Variants in BTBD9 observed in about 807,000 individuals in gnomAD.
BTBD9 encodes the protein BTB/POZ domain-containing protein 9.
A neutral mutation model predicts 64.3 loss-of-function variants in BTBD9; 49 were observed. That is an observed-to-expected ratio of 0.76 (90% confidence interval 0.61 to 0.97). The LOEUF is 0.97. Among genes scored for constraint, BTBD9 ranks in the 50% least tolerant of loss-of-function variants. The pLI is 0.00. For synonymous variants in BTBD9, 260 were observed against 274.7 expected (o/e 0.95, Z 0.53); for missense variants, 598 against 762.1 (o/e 0.78, Z 2.53).
At chr6:38,563,282 ACCT>A (rs1775331417) in intron 6 of BTBD9, among the ~76,000 whole-genome samples, 1 of 151,820 alleles carries the variant, frequency 6.6e-6, no homozygotes, top group Non-Finnish European at 1.5e-5. Context: ...TCTAGCCCAG[ACCT>A]CCTTTTCCAT....
intron 6 of BTBD9, among the ~76,000 whole-genome samples, chr6:38,425,115 C>CT (rs10717521): frequency 0.049 from 6,599 of 135,508 alleles, 244 homozygotes; most frequent in East Asian, 0.13. Context: ...CGTGCCCGGC[C>CT]TTTTTTTTTT....
chr6:38,206,021 GACA>G (rs1762637835), intron 9 of BTBD9, among the ~76,000 whole-genome samples: 1 of 151,910 alleles, frequency 6.6e-6, no homozygotes, highest in Non-Finnish European at 1.5e-5. Flanking sequence ...AGGCCCACAG[GACA>G]ACTAGTCCAG....
chr6:38,211,466 T>G (rs1004130229), intron 9 of BTBD9, among the ~76,000 whole-genome samples: 2 of 147,478 alleles, frequency 1.4e-5, no homozygotes, highest in Admixed American at 6.8e-5. Context: ...CTCTAGGCTA[T>G]GTGCAGTGGC....
intron 7 of BTBD9, among the ~76,000 whole-genome samples, chr6:38,316,518 TA>T (rs1763034685): frequency 6.6e-6 from 1 of 152,178 alleles, no homozygotes; most frequent in African/African-American, 2.4e-5. Context: ...CCCATTATTT[TA>T]AACTGTTAAC....
At chr6:38,625,184 G>C (rs1188377026) in intron 1 of BTBD9, among the ~76,000 whole-genome samples, 1 of 151,984 alleles carries the variant, frequency 6.6e-6, no homozygotes, top group Non-Finnish European at 1.5e-5. Flanking sequence ...TCATCTAGTA[G>C]CTCATTATAC....
intron 6 of BTBD9, among the ~76,000 whole-genome samples, chr6:38,501,781 T>C (rs1187863278): frequency 8.8e-6 from 1 of 113,330 alleles, no homozygotes; most frequent in Non-Finnish European, 1.9e-5. Flanking sequence ...AATCCAGCAG[T>C]CTTCTCTTTA....
chr6:38,607,603 C>T (rs145892884), intron 1 of BTBD9, among the ~76,000 whole-genome samples: 3 of 150,294 alleles, frequency 2.0e-5, no homozygotes, highest in Admixed American at 2.0e-4. Flanking sequence ...CTGCTATTTG[C>T]CAATATGTTT....
intron 6 of BTBD9, among the ~76,000 whole-genome samples, chr6:38,345,834 T>G (rs1037611328): frequency 2.0e-5 from 3 of 152,172 alleles, no homozygotes; most frequent in Non-Finnish European, 4.4e-5. Context: ...CCTCTTTAAC[T>G]CCCTGGAGAC....
chr6:38,515,077 G>A (rs1772954914), intron 6 of BTBD9, among the ~76,000 whole-genome samples: 1 of 151,684 alleles, frequency 6.6e-6, no homozygotes, highest in African/African-American at 2.4e-5. Flanking sequence ...TAGTCCAGTT[G>A]TGCCTGGAAA....
intron 6 of BTBD9, among the ~76,000 whole-genome samples, chr6:38,545,606 C>A (rs1330104652): frequency 6.6e-6 from 1 of 151,478 alleles, no homozygotes; most frequent in Non-Finnish European, 1.5e-5. Context: ...GGTGAAACCC[C>A]GTCTCTACTA....
chr6:38,405,150 C>G (rs1311343545), intron 6 of BTBD9, among the ~76,000 whole-genome samples: 1 of 152,194 alleles, frequency 6.6e-6, no homozygotes, highest in Non-Finnish European at 1.5e-5. Flanking sequence ...GTACCATGAT[C>G]TCTGGCTTCT....
chr6:38,275,450 T>C (rs1263270289), intron 8 of BTBD9, among the ~76,000 whole-genome samples: 2 of 152,096 alleles, frequency 1.3e-5, no homozygotes, highest in African/African-American at 2.4e-5. Context: ...AAGGACTTCA[T>C]GTCTAAAACA....
intron 8 of BTBD9, among the ~76,000 whole-genome samples, chr6:38,269,608 T>C (rs999875326): frequency 2.6e-5 from 4 of 151,686 alleles, no homozygotes; most frequent in Admixed American, 6.6e-5. Context: ...TTTTTTTTTT[T>C]CCCTGCGATC....
intron 6 of BTBD9, among the ~76,000 whole-genome samples, chr6:38,503,118 C>T (rs1772287979): frequency 6.6e-6 from 1 of 152,170 alleles, no homozygotes; most frequent in South Asian, 2.1e-4. Flanking sequence ...TCACTATCTC[C>T]TCATGCTCTT....
chr6:38,179,744 C>T (rs1277150178), intron 10 of BTBD9: 8 of 456,622 alleles, frequency 1.8e-5, no homozygotes, highest in Non-Finnish European at 3.5e-5. Flanking sequence ...ACCTGCCTCA[C>T]ACAAACAATT....
At chr6:38,264,603 G>C (rs1252064375) in intron 8 of BTBD9, among the ~76,000 whole-genome samples, 1 of 152,218 alleles carries the variant, frequency 6.6e-6, no homozygotes, top group Admixed American at 6.5e-5. Flanking sequence ...CAGCTTCAGA[G>C]AAACAACTCT....
chr6:38,368,387 T>C (rs1765274555), intron 6 of BTBD9, among the ~76,000 whole-genome samples: 1 of 151,948 alleles, frequency 6.6e-6, no homozygotes, highest in African/African-American at 2.4e-5. Context: ...CAGGCTAGAG[T>C]GCAGTGGCGT....
At chr6:38,361,526 G>A (rs1764958598) in intron 6 of BTBD9, among the ~76,000 whole-genome samples, 1 of 150,752 alleles carries the variant, frequency 6.6e-6, no homozygotes, top group African/African-American at 2.4e-5. Context: ...CTGGGTAACA[G>A]AACGAGACCC....
At chr6:38,488,767 C>A (rs918122590) in intron 6 of BTBD9, among the ~76,000 whole-genome samples, 1 of 151,816 alleles carries the variant, frequency 6.6e-6, no homozygotes, top group Non-Finnish European at 1.5e-5. Context: ...AAGTGGTACA[C>A]ATTCATTATA....
Sources: gnomAD v4.1 joint callset for allele counts (sites outside exome capture counted in the v4.1 genomes callset) on GRCh38, gnomAD v4.1.1 for gene constraint, MANE v1.5 for transcripts, NCBI Gene and HGNC (gene_info 2026-07-23, HGNC 2026-07-21) for gene names.